LRP4: variants seen among roughly 807,000 people sequenced by gnomAD.
LRP4 encodes the protein LDL receptor related protein 4, also known as low-density lipoprotein receptor-related protein 4.
LRP4 carries 95 observed loss-of-function variants against 220.3 expected under a neutral mutation model. That is an observed-to-expected ratio of 0.43 (90% CI 0.37 to 0.51). The LOEUF (loss-of-function observed/expected upper bound fraction) is 0.51, where lower values mean the gene tolerates loss of function less well. LRP4 is among the 20% of genes least tolerant of loss of function. The pLI, the probability that LRP4 is intolerant of heterozygous loss-of-function variation, is 0.00. For missense variants in LRP4, 1,925 were observed against 2,567.0 expected (o/e 0.75, Z 5.40); for synonymous variants, 903 against 954.6 (o/e 0.95, Z 1.00).
chr11:46,864,571 C>CTA (rs754287580), intron 35 of LRP4, 36 bp from the exon 36 acceptor site: 3 of 1,390,970 alleles, frequency 2.2e-6, no homozygotes, highest in South Asian at 2.3e-5. Flanking sequence ...CAGGGGCCAC[C>CTA]GACAACTTTC....
chr11:46,913,474 G>A (rs1297995206), intron 1 of LRP4, among the ~76,000 whole-genome samples: 1 of 152,154 alleles, frequency 6.6e-6, no homozygotes, highest in Non-Finnish European at 1.5e-5. Flanking sequence ...ATTCGGGGCT[G>A]GAGACCCACA....
chr11:46,896,348 A>T lies in LRP4; in HGVS notation c.923-13T>A, dbSNP rs1196677869. The T allele has an allele frequency of 6.2e-7, 1 of 1,612,970 alleles. No homozygotes were observed. The highest frequency in any genetic ancestry group is 8.5e-7 in the Non-Finnish European group (1 of 1,179,960). On this transcript the variant is annotated splice_polypyrimidine_tract_variant and intron_variant, in intron 8 of 37. Transcript: ENST00000378623. ...CATTGGGGGCTTCCTAGAGAGATGG[A>T]GGGTCAGGTCATAGCAAGGCAGGGC...
At chr11:46,893,203 C>G in intron 12 of LRP4, 74 bp from the exon 13 acceptor site, 1 of 1,576,774 alleles carries the variant, frequency 6.3e-7, no homozygotes. Context: ...TAGGAGCAAA[C>G]TCTTACAGGA....
At chr11:46,891,840 T>A (rs1324377645) in intron 13 of LRP4, among the ~76,000 whole-genome samples, 3 of 152,134 alleles carry the variant, frequency 2.0e-5, no homozygotes, top group African/African-American at 7.2e-5. Flanking sequence ...GGTCTTGAAC[T>A]CCTGGGCTCA....
Position 46,873,074 on chromosome 11 carries a change from G to C in LRP4, c.4583+26C>G. 1 of 1,614,118 alleles carries C rather than the reference G, an allele frequency of 6.2e-7. No homozygotes were observed. The highest frequency in any genetic ancestry group is 8.5e-7 in the Non-Finnish European group (1 of 1,180,026). On this transcript the variant is annotated intron_variant, in intron 30 of 37. Coordinates refer to ENST00000378623, the MANE Select transcript of LRP4 (RefSeq NM_002334.4). The surrounding 1 kb of genome is among the most constrained non-coding windows in gnomAD (Gnocchi z 4.2). The stretch of plus-strand genomic sequence containing the variant: ...TCTCTTCTGCCCACCCGATTTCCAG[G>C]AGGCTGTTTGATGCAAGACTCCCAC...
At chr11:46,904,760 G>T (rs188696016) in intron 1 of LRP4, among the ~76,000 whole-genome samples, 270 of 152,142 alleles carry the variant, frequency 1.8e-3, no homozygotes, top group African/African-American at 6.2e-3. Flanking sequence ...TTTGAGCACA[G>T]CAGTTTTGAG....
chr11:46,862,504 G>A (rs1377201390), intron 37 of LRP4, 102 bp downstream of exon 37: 50 of 1,161,400 alleles, frequency 4.3e-5, no homozygotes, highest in Non-Finnish European at 6.0e-5. Context: ...AATGGTAGAT[G>A]GGATTACTCA....
intron 25 of LRP4, 90 bp from the exon 26 acceptor site, chr11:46,876,056 G>T: frequency 2.1e-6 from 3 of 1,438,000 alleles, no homozygotes; most frequent in South Asian, 1.2e-5. Flanking sequence ...AGATACACTT[G>T]AGTACTTACA....
chr11:46,881,666 G>C (rs370432637), intron 20 of LRP4, 36 bp downstream of exon 20: 1 of 1,599,098 alleles, frequency 6.3e-7, no homozygotes, highest in South Asian at 1.1e-5. Flanking sequence ...AGATGTTTTA[G>C]TGCCACCCTT....
chr11:46,898,525 T>C (rs1321495238), intron 7 of LRP4, 33 bp downstream of exon 7: 14 of 1,613,450 alleles, frequency 8.7e-6, no homozygotes, highest in Non-Finnish European at 1.2e-5. Flanking sequence ...TCTCCTTAGT[T>C]CAAGCCCAAC....
At chr11:46,900,099 GGCTGCCTCTCA>G in intron 3 of LRP4, 123 bp from the exon 4 acceptor site, 1 of 982,624 alleles carries the variant, frequency 1.0e-6, no homozygotes. Flanking sequence ...CGAAGGAGGT[GGCTGCCTCTCA>G]GCAGCTTATC....
intron 13 of LRP4, among the ~76,000 whole-genome samples, chr11:46,891,254 C>G (rs1331132269): frequency 6.6e-6 from 1 of 151,948 alleles, no homozygotes; most frequent in African/African-American, 2.4e-5. Flanking sequence ...GCTGGAATTA[C>G]AGGCACCCGC....
intron 25 of LRP4, 53 bp from the exon 26 acceptor site, chr11:46,876,019 C>T: frequency 1.6e-5 from 25 of 1,569,788 alleles, no homozygotes; most frequent in Non-Finnish European, 2.1e-5. Flanking sequence ...GCAGCTACCA[C>T]ATACCATGAA....
chr11:46,898,484 C>T (rs1489553531), intron 7 of LRP4, 74 bp downstream of exon 7: 14 of 1,599,570 alleles, frequency 8.8e-6, no homozygotes, highest in Non-Finnish European at 1.2e-5. Flanking sequence ...CCGCGCCCAG[C>T]CGGTAGTGGC....
intron 37 of LRP4, 145 bp downstream of exon 37, chr11:46,862,461 A>G (rs796516702): frequency 8.0e-6 from 7 of 876,824 alleles, no homozygotes; most frequent in African/African-American, 5.0e-5. Context: ...AACCCAAATT[A>G]CATTCAGTTC....
intron 34 of LRP4, among the ~76,000 whole-genome samples, chr11:46,865,506 C>A (rs1463776584): frequency 6.6e-6 from 1 of 152,128 alleles, no homozygotes; most frequent in African/African-American, 2.4e-5. Flanking sequence ...CTTAAACTAC[C>A]AGGATGAGTC....
At chr11:46,869,323 T>G (rs1387438334) in intron 31 of LRP4, among the ~76,000 whole-genome samples, 191 bp from the exon 32 acceptor site, 2 of 152,214 alleles carry the variant, frequency 1.3e-5, no homozygotes, top group African/African-American at 4.8e-5. Flanking sequence ...GACTTCACCA[T>G]TCTCTCCTCT....
In LRP4 at chr11:46,873,212, C is replaced by T; in HGVS notation, c.4471G>A (p.Gly1491Ser). Residue 1491 changes from glycine (G) to serine (S), a missense_variant, in exon 30 of 38, where the codon GGC (glycine) becomes AGC (serine). Transcript: ENST00000378623. This position sits in a 1 kb window ranked among gnomAD's most constrained non-coding sequence, Gnocchi z 4.2. ...GCCCGTTCGATCTTGGCAATGTGGC[C>T]CCAGTCTGTCCAGAAGAGGTACCTG... The part of the protein sequence containing the change: ...RKGYLFWTDW[G>S]HIAKIERANL... 1 of 1,614,148 alleles carries T rather than the reference C, an allele frequency of 6.2e-7. No individual in the cohort carries two copies. Among genetic ancestry groups the T allele is most frequent in the Non-Finnish European group, 8.5e-7 (1 of 1,180,018 alleles).
In LRP4 at chr11:46,875,336, A is replaced by T; in HGVS notation, c.3925+120T>A. The T allele has an allele frequency of 1.0e-6, 1 of 1,004,310 alleles. No individual in the cohort carries two copies. Among genetic ancestry groups the T allele is most frequent in the Non-Finnish European group, 1.5e-6 (1 of 658,792 alleles). 62.2% of individuals were successfully genotyped at this position (1,004,310 alleles called of 1,614,324 possible). The stretch of plus-strand genomic sequence containing the variant: ...CACAGCCCAATCTGGAAGGGAGCTT[A>T]AACAGGTCACCGTCTTTCTGGCTGT... On this transcript the variant is annotated intron_variant, in intron 27 of 37. Transcript: ENST00000378623. This position sits in a 1 kb window ranked among gnomAD's most constrained non-coding sequence, Gnocchi z 4.5.
Sources: gnomAD v4.1 joint callset for allele counts (sites outside exome capture counted in the v4.1 genomes callset) on GRCh38, gnomAD v4.1.1 for gene constraint, Gnocchi (gnomAD v3.1) non-coding constraint, MANE v1.5 for transcripts, NCBI Gene and HGNC (gene_info 2026-07-23, HGNC 2026-07-21) for gene names.